Variants in MAGI2 observed in about 807,000 individuals in gnomAD.
The protein encoded by MAGI2 is membrane associated guanylate kinase, WW and PDZ domain containing 2.
MAGI2 carries 35 observed loss-of-function variants against 133.3 expected under a neutral mutation model. The observed-to-expected ratio is 0.26, with a 90% CI of 0.20 to 0.35. The LOEUF (loss-of-function observed/expected upper bound fraction) is 0.35. Among genes scored for constraint, MAGI2 ranks in the 10% least tolerant of loss-of-function variants. MAGI2 has a pLI of 1.00. For missense variants in MAGI2, 1,636 were observed against 1,863.4 expected (o/e 0.88, Z 2.25); for synonymous variants, 729 against 710.6 (o/e 1.03, Z -0.41).
intron 7 of MAGI2, chr7:78,351,768 C>T (rs1004341732): frequency 3.3e-5 from 5 of 152,220 alleles, no homozygotes; most frequent in South Asian, 4.1e-4. Context: ...GGGAAGACTT[C>T]ATAATTTTTT....
At chr7:78,713,702 C>T (rs1180830523) in intron 2 of MAGI2, among the ~76,000 whole-genome samples, 1 of 152,146 alleles carries the variant, frequency 6.6e-6, no homozygotes, top group Non-Finnish European at 1.5e-5. Flanking sequence ...ACAAAATCTA[C>T]TCTTACTTGC....
intron 1 of MAGI2, among the ~76,000 whole-genome samples, chr7:79,163,144 T>A (rs1166304007): frequency 6.6e-6 from 1 of 152,216 alleles, no homozygotes; most frequent in East Asian, 1.9e-4. Context: ...AAAAATAGAT[T>A]TGTCTACTGA....
chr7:78,980,914 T>C (rs899976146), intron 2 of MAGI2, among the ~76,000 whole-genome samples: 7 of 151,892 alleles, frequency 4.6e-5, no homozygotes, highest in African/African-American at 1.7e-4. Context: ...AGGTTAATTG[T>C]GTATAGAATT....
At chr7:79,260,649 C>T (rs1447018336) in intron 1 of MAGI2, among the ~76,000 whole-genome samples, 1 of 152,084 alleles carries the variant, frequency 6.6e-6, no homozygotes, top group Non-Finnish European at 1.5e-5. Flanking sequence ...CATACCTGAC[C>T]TCATGTGATG....
intron 2 of MAGI2, among the ~76,000 whole-genome samples, chr7:78,997,740 C>G (rs769176998): frequency 2.6e-5 from 4 of 152,134 alleles, no homozygotes; most frequent in Middle Eastern, 6.8e-3. Context: ...CATCTGTGCT[C>G]TAAAGTCCTT....
intron 1 of MAGI2, among the ~76,000 whole-genome samples, chr7:79,111,559 T>C (rs1423535256): frequency 2.0e-5 from 3 of 152,216 alleles, no homozygotes; most frequent in Non-Finnish European, 4.4e-5. Flanking sequence ...ATGTTATTTG[T>C]AATACTCGGA....
At chr7:78,244,691 G>T (rs1478369288) in intron 10 of MAGI2, among the ~76,000 whole-genome samples, 1 of 152,148 alleles carries the variant, frequency 6.6e-6, no homozygotes, top group Non-Finnish European at 1.5e-5. Flanking sequence ...TAGAATTTAG[G>T]AGTGTATTAT....
rs141600861 is a variant in MAGI2, at chr7:79,199,922, A to G, written c.302-192716T>C. 1.7e-3 allele frequency among the ~76,000 whole-genome samples: 257 copies of G among 152,062 alleles called. 2 individuals carry two copies. The highest frequency in any genetic ancestry group is 3.2e-3 in the Non-Finnish European group (220 of 68,006). ...GGGAGATTTCTATGTTACACAGCCT[A>G]GTTTTTCTCCACAATGATGGAAAAC... On this transcript the variant is annotated intron_variant, in intron 1 of 21. Coordinates refer to ENST00000354212, the MANE Select transcript of MAGI2 (RefSeq NM_012301.4).
At chr7:78,847,893 T>C (rs556404086) in intron 2 of MAGI2, among the ~76,000 whole-genome samples, 12 of 152,038 alleles carry the variant, frequency 7.9e-5, no homozygotes, top group African/African-American at 2.9e-4. Flanking sequence ...TTCACTGTTA[T>C]GTCATCAGTA....
At chr7:79,191,949 T>C (rs1327758875) in intron 1 of MAGI2, among the ~76,000 whole-genome samples, 2 of 151,900 alleles carry the variant, frequency 1.3e-5, no homozygotes, top group East Asian at 3.9e-4. Context: ...ATTCTGACTA[T>C]TTGTATCAAA....
intron 2 of MAGI2, among the ~76,000 whole-genome samples, chr7:78,878,658 TA>T (rs1410686000): frequency 6.6e-6 from 1 of 152,240 alleles, no homozygotes; most frequent in Non-Finnish European, 1.5e-5. Context: ...TATGCATATC[TA>T]AAATAATGCC....
chr7:78,053,642 G>A (rs1391753906), intron 21 of MAGI2, among the ~76,000 whole-genome samples: 1 of 152,186 alleles, frequency 6.6e-6, no homozygotes, highest in Admixed American at 6.5e-5. Flanking sequence ...AGGACCAGAT[G>A]GTTTCTGGCT....
intron 1 of MAGI2, among the ~76,000 whole-genome samples, chr7:79,029,185 T>G (rs1171540748): frequency 6.6e-6 from 1 of 152,084 alleles, no homozygotes; most frequent in African/African-American, 2.4e-5. Context: ...ATTGCTAGCT[T>G]TTAGTGAGTA....
intron 6 of MAGI2, among the ~76,000 whole-genome samples, chr7:78,466,069 C>T (rs1424341868): frequency 6.6e-6 from 1 of 152,142 alleles, no homozygotes; most frequent in African/African-American, 2.4e-5. Flanking sequence ...TAACATCCTC[C>T]TTGCTAATCA....
In MAGI2 at chr7:78,685,937, G is replaced by T. The variant is rs564265532; in HGVS notation, c.419-58698C>A. Among the ~76,000 whole-genome samples the T allele has an allele frequency of 6.4e-4, 97 of 150,814 alleles. 2 individuals carry two copies. In the South Asian group the frequency reaches 0.02, roughly 31 times the overall value. On this transcript the variant is annotated intron_variant, in intron 2 of 21. Transcript: ENST00000354212. ...TTTCTCAAAGAAAAAGAAGTTGATG[G>T]GTTCCTGCTCTTACTTTCTTTTTCT... is the stretch of plus-strand genomic sequence containing the variant.
chr7:79,136,064 A>G (rs866520211), intron 1 of MAGI2, among the ~76,000 whole-genome samples: 122 of 124,320 alleles, frequency 9.8e-4, no homozygotes, highest in Middle Eastern at 4.0e-3. Flanking sequence ...AAAGAAAGAA[A>G]GAAGGAAAGA....
chr7:78,055,993 G>A (rs1227121885), intron 21 of MAGI2, among the ~76,000 whole-genome samples: 1 of 152,108 alleles, frequency 6.6e-6, no homozygotes, highest in Non-Finnish European at 1.5e-5. Flanking sequence ...ATTTGTAAGT[G>A]TGCAGTACAG....
intron 21 of MAGI2, among the ~76,000 whole-genome samples, chr7:78,040,306 C>T (rs559643133): frequency 3.3e-5 from 5 of 151,584 alleles, no homozygotes; most frequent in African/African-American, 7.3e-5. Context: ...GAATTCTAGT[C>T]TTCCCCACCC....
At chr7:78,125,381 C>G (rs537500625) in intron 20 of MAGI2, among the ~76,000 whole-genome samples, 1 of 152,278 alleles carries the variant, frequency 6.6e-6, no homozygotes, top group East Asian at 1.9e-4. Flanking sequence ...ACAGAATCAT[C>G]AAACCATAGA....
Sources: allele counts gnomAD v4.1 joint callset (sites outside exome capture counted in the v4.1 genomes callset), GRCh38; gene constraint gnomAD v4.1.1; transcripts MANE v1.5; gene names NCBI Gene and HGNC (gene_info 2026-07-23, HGNC 2026-07-21).